GRM4: variants seen among roughly 807,000 people sequenced by gnomAD.
The protein encoded by GRM4 is metabotropic glutamate receptor 4.
GRM4 carries 28 observed loss-of-function variants against 81.7 expected under a neutral mutation model. The observed-to-expected ratio is 0.34, with a 90% CI of 0.25 to 0.47. The LOEUF is 0.47. Among genes scored for constraint, GRM4 ranks in the 20% least tolerant of loss-of-function variants. The pLI, the probability that GRM4 is intolerant of heterozygous loss-of-function variation, is 1.00. For synonymous variants in GRM4, 488 were observed against 528.8 expected, an observed-to-expected ratio of 0.92 and a Z score of 1.06; for missense variants, 948 against 1,290.0, an observed-to-expected ratio of 0.73 and a Z score of 4.06.
Position 34,040,555 on chromosome 6 carries a change from G to A in GRM4, c.1362C>T (p.Asn454=), listed in dbSNP as rs1443222879. The stretch of plus-strand genomic sequence containing the variant: ...TCCGCACCACACCCCCACCTGAGAA[G>A]TTGACGTTTCGGATGTACTTAAGCA... ...TQLLKYIRNV[N]FSGIAGNPVT... Residue 454 remains asparagine, a synonymous_variant, in exon 7 of 11, where the codon AAC becomes AAT. Transcript: ENST00000538487. The A allele has an allele frequency of 5.0e-6, 8 of 1,612,674 alleles. No individual in the cohort carries two copies. Among genetic ancestry groups the A allele is most frequent in the South Asian group, 2.2e-5 (2 of 90,856 alleles).
chr6:34,075,056 G>C (rs143524302), intron 3 of GRM4, among the ~76,000 whole-genome samples: 44 of 152,354 alleles, frequency 2.9e-4, no homozygotes, highest in Middle Eastern at 3.4e-3. Context: ...CAAGACTGCT[G>C]AGTGTGGGAC....
chr6:34,108,731 C>T (rs1769240347), intron 2 of GRM4, among the ~76,000 whole-genome samples: 1 of 152,164 alleles, frequency 6.6e-6, no homozygotes. Flanking sequence ...GTGCCAGGTG[C>T]TGGGAGGTGG....
rs1766619879 is a variant in GRM4, at chr6:34,068,748, CA to C, written c.737-6721del. On this transcript the variant is annotated intron_variant, in intron 3 of 10. Coordinates refer to ENST00000538487, the MANE Select transcript of GRM4 (RefSeq NM_000841.4). The surrounding 1 kb of genome is among the most constrained non-coding windows in gnomAD (Gnocchi z 4.2). ...CCACTCCCTGCTGTGGGGAGACAGTCAGGGGTCCCCCAGGCTGTCACCTTGG... is the reference window on the plus strand; with the variant it reads ...CCACTCCCTGCTGTGGGGAGACAGTCGGGGTCCCCCAGGCTGTCACCTTGG... Among the ~76,000 whole-genome samples the C allele has an allele frequency of 6.6e-6, 1 of 152,132 alleles. No homozygotes were observed. The highest frequency in any genetic ancestry group is 2.4e-5 in the African/African-American group (1 of 41,426).
chr6:34,081,155 C>T (rs776832501), intron 3 of GRM4, among the ~76,000 whole-genome samples: 2 of 152,220 alleles, frequency 1.3e-5, no homozygotes, highest in Non-Finnish European at 2.9e-5. Context: ...GGGCCAGTTT[C>T]GGAGTCATGC....
chr6:34,036,791 A>G lies in GRM4; in HGVS notation c.1507-188T>C, dbSNP rs3778061. 1.0e-3 allele frequency among the ~76,000 whole-genome samples: 153 copies of G among 152,350 alleles called. 2 individuals carry two copies. In the East Asian group the frequency reaches 0.022, roughly 22 times the overall value. ...GCTGGAGTTAAAAAAGGTCTCCGGC[A>G]TAACTCAGACATAATTGACCTACAG... is the stretch of plus-strand genomic sequence containing the variant. On this transcript the variant is annotated intron_variant, in intron 8 of 10. Transcript: ENST00000538487. The surrounding 1 kb of genome is among the most constrained non-coding windows in gnomAD (Gnocchi z 9.0).
chr6:34,136,010 C>A lies in GRM4; in HGVS notation c.-363-2151G>T, dbSNP rs912232414. On this transcript the variant is annotated intron_variant, in intron 1 of 10. Transcript: ENST00000538487. The surrounding 1 kb of genome is among the most constrained non-coding windows in gnomAD (Gnocchi z 4.1). Reference sequence around the variant, plus strand: ...GCAGGGGGCAGAGATGCTAACTGGCCAGCTGTGGGTGGGAGAGCCTGCACA... The same window carrying A: ...GCAGGGGGCAGAGATGCTAACTGGCAAGCTGTGGGTGGGAGAGCCTGCACA... Among the ~76,000 whole-genome samples the A allele has an allele frequency of 6.6e-6, 1 of 152,180 alleles. No homozygotes were observed. Among genetic ancestry groups the A allele is most frequent in the African/African-American group, 2.4e-5 (1 of 41,430 alleles).
chr6:34,132,269 G>A (rs2127510788), intron 2 of GRM4, among the ~76,000 whole-genome samples: 1 of 152,160 alleles, frequency 6.6e-6, no homozygotes, highest in East Asian at 1.9e-4. Context: ...CTTGGTTCAG[G>A]GCCCAGGGCA....
intron 9 of GRM4, among the ~76,000 whole-genome samples, chr6:34,028,864 A>T (rs1486595561): frequency 6.6e-6 from 1 of 152,112 alleles, no homozygotes; most frequent in Non-Finnish European, 1.5e-5. Context: ...AGCCCCTCGG[A>T]TCAGACCTCC....
At chr6:34,073,107 C>CCCCCAT (rs1767076828) in intron 3 of GRM4, among the ~76,000 whole-genome samples, 1 of 128,304 alleles carries the variant, frequency 7.8e-6, no homozygotes, top group Non-Finnish European at 1.7e-5. Flanking sequence ...ACCACACACA[C>CCCCCAT]ACATCACCAC....
chr6:34,040,615 G>C lies in GRM4; in HGVS notation c.1302C>G (p.Leu434=). The C allele has an allele frequency of 1.2e-6, 2 of 1,614,120 alleles. No individual in the cohort carries two copies. The highest frequency in any genetic ancestry group is 1.7e-6 in the Non-Finnish European group (2 of 1,179,946). The change falls in exon 7 of 11, where the codon CTC becomes CTG. Residue 434 remains leucine, a synonymous_variant. Transcript: ENST00000538487. ...HRDLCPGRVG[L]CPRMDPVDGT... is the part of the protein sequence containing the mutation. ...CATCTACAGGGTCCATGCGCGGGCA[G>C]AGCCCCACGCGGCCGGGACACAGGT... is the stretch of plus-strand genomic sequence containing the variant.
rs200372182 is a variant in GRM4 at position 34,056,679 on chromosome 6, C to T, written c.1033G>A (p.Asp345Asn). Residue 345 changes from aspartate to asparagine, a missense_variant, in exon 6 of 11, where the codon GAC (aspartate) becomes AAC (asparagine). Transcript: ENST00000538487. ...LPKRMSVRGFDRYFSSRTLDN... is the reference protein window; with the variant it reads ...LPKRMSVRGFNRYFSSRTLDN... Reference sequence around the variant, plus strand: ...AGCGTGCGGCTGGAGAAGTAGCGGTCGAAGCCTGGCAGGGAACCAGGACGT... The same window carrying T: ...AGCGTGCGGCTGGAGAAGTAGCGGTTGAAGCCTGGCAGGGAACCAGGACGT... The T allele has an allele frequency of 1.1e-5, 17 of 1,612,754 alleles. No homozygotes were observed. The Admixed American group carries it at 2.5e-4, about 24-fold the overall frequency.
chr6:34,033,652 GCTCTTTCTTTCTCTCTCTTTCTTT>G (rs1481611091), intron 9 of GRM4, among the ~76,000 whole-genome samples: 1 of 151,662 alleles, frequency 6.6e-6, no homozygotes, highest in Non-Finnish European at 1.5e-5. Flanking sequence ...CTCACAGCTC[GCTCTTTCTTTCTCTCTCTTTCTTT>G]CTCTTTCTCT....
At position 34,035,415 on chromosome 6, in the gene GRM4, G is replaced by T. The variant is rs529573389; in HGVS notation, c.2442+253C>A. Reference sequence around the variant, plus strand: ...GGAGAGATGAGACAGAGAGAAAGGGGGAGAGAGAAGAGGGAGAGGGGCAAA... The same window carrying T: ...GGAGAGATGAGACAGAGAGAAAGGGTGAGAGAGAAGAGGGAGAGGGGCAAA... On this transcript the variant is annotated intron_variant, in intron 9 of 10. Transcript: ENST00000538487. This position sits in a 1 kb window ranked among gnomAD's most constrained non-coding sequence, Gnocchi z 6.6. 4.1e-4 allele frequency among the ~76,000 whole-genome samples: 62 copies of T among 151,120 alleles called. No homozygotes were observed. The highest frequency in any genetic ancestry group is 1.5e-3 in the African/African-American group (61 of 41,078).
chr6:34,154,872 C>G (rs368728384), intron 1 of GRM4, among the ~76,000 whole-genome samples: 1 of 152,328 alleles, frequency 6.6e-6, no homozygotes, highest in South Asian at 2.1e-4. Flanking sequence ...CCCGCGCGCC[C>G]GAGCGCGAGC....
rs1023649669 is a variant in GRM4, at chr6:34,080,183, G to A, written c.736+11700C>T. Among the ~76,000 whole-genome samples the A allele has an allele frequency of 1.3e-5, 2 of 152,166 alleles. No homozygotes were observed. The highest frequency in any genetic ancestry group is 2.9e-5 in the Non-Finnish European group (2 of 68,032). On this transcript the variant is annotated intron_variant, in intron 3 of 10. Transcript: ENST00000538487. The surrounding 1 kb of genome is among the most constrained non-coding windows in gnomAD (Gnocchi z 5.4). ...AGATCTCCACCTGGCTAATGCCCTC[G>A]CTGCAGCTGGGGATCTGCCAAAAGT...
At position 34,019,268 on chromosome 6, in the gene GRM4, C is replaced by A; in HGVS notation, c.*3553G>T. ...ACTCTGCTCCTGAGGTGGGTCTCCC[C>A]AGGGTCCTAGGAGTTCCACAAAGGT... is the stretch of plus-strand genomic sequence containing the variant. On this transcript the variant is annotated 3_prime_UTR_variant, in exon 11 of 11. Transcript: ENST00000538487. The A allele has an allele frequency of 6.6e-6, 1 of 152,418 alleles. No individual in the cohort carries two copies. The highest frequency in any genetic ancestry group is 1.5e-5 in the Non-Finnish European group (1 of 68,092). 9.4% of individuals were successfully genotyped at this position (152,418 alleles called of 1,614,324 possible).
rs370777838 is a variant in GRM4 at position 34,142,827 on chromosome 6, G to C, written c.-364+3173C>G. Among the ~76,000 whole-genome samples, 14 of 152,332 alleles carry C rather than the reference G, an allele frequency of 9.2e-5. 1 individual carries two copies. In the South Asian group the frequency reaches 1.0e-3, roughly 11 times the overall value. ...GCAGGTTGGGGGAGGAGGGAGGAGG[G>C]GGGGAGGAGGAGCGGCCTACGCAAG... On this transcript the variant is annotated intron_variant, in intron 1 of 10. Coordinates refer to ENST00000538487, the MANE Select transcript of GRM4 (RefSeq NM_000841.4).
chr6:34,056,285 G>A (rs1561778303), intron 6 of GRM4: 1 of 509,976 alleles, frequency 2.0e-6, no homozygotes, highest in Non-Finnish European at 3.6e-6. Flanking sequence ...CCCTAGGGCC[G>A]TCCACATCAA....
chr6:34,139,553 C>A (rs535632359), intron 1 of GRM4, among the ~76,000 whole-genome samples: 1 of 152,182 alleles, frequency 6.6e-6, no homozygotes, highest in African/African-American at 2.4e-5. Context: ...CTCCTTCCTC[C>A]GCAGTTAATG....
Sources: gnomAD v4.1 joint callset for allele counts (sites outside exome capture counted in the v4.1 genomes callset) on GRCh38, gnomAD v4.1.1 for gene constraint, Gnocchi (gnomAD v3.1) non-coding constraint, MANE v1.5 for transcripts, NCBI Gene and HGNC (gene_info 2026-07-23, HGNC 2026-07-21) for gene names.